The following PCDHA7 variants were observed in gnomAD, a reference collection of about 807,000 sequenced individuals.
The protein encoded by PCDHA7 is protocadherin alpha-7.
PCDHA7 carries 37 observed loss-of-function variants against 57.2 expected under a neutral mutation model. That is an observed-to-expected ratio of 0.65 (90% CI 0.50 to 0.85). The LOEUF is 0.85. Ranked by LOEUF, PCDHA7 falls within the 40% of genes least tolerant of loss-of-function variation. PCDHA7 has a pLI of 0.00. For synonymous variants in PCDHA7, 553 were observed against 558.8 expected, an observed-to-expected ratio of 0.99 and a Z score of 0.15; for missense variants, 1,188 against 1,241.8, an observed-to-expected ratio of 0.96 and a Z score of 0.65.
chr5:140,835,562 T>C lies in PCDHA7; in HGVS notation c.1179T>C (p.Val393=), dbSNP rs1470356959. ...GQVTCSLTPR[V]PFKLVSTFKN... ...TTACCTGCTCCCTGACGCCCCGCGTTCCCTTCAAGTTGGTGTCCACCTTCA... is the reference window on the plus strand; with the variant it reads ...TTACCTGCTCCCTGACGCCCCGCGTCCCCTTCAAGTTGGTGTCCACCTTCA... Residue 393 remains valine (V), a synonymous_variant, in exon 1 of 4, where the codon GTT becomes GTC. Coordinates refer to ENST00000525929, the MANE Select transcript of PCDHA7 (RefSeq NM_018910.3). 6.8e-6 allele frequency: 11 copies of C among 1,613,922 alleles called. No homozygotes were observed. Among genetic ancestry groups the C allele is most frequent in the Non-Finnish European group, 8.5e-6 (10 of 1,179,868 alleles).
At position 140,929,210 on chromosome 5, in the gene PCDHA7, G is replaced by A. The variant is rs782078369; in HGVS notation, c.2356-49739G>A. The A allele has an allele frequency of 1.9e-6, 3 of 1,613,952 alleles. No individual in the cohort carries two copies. The South Asian group carries it at 3.3e-5, about 18-fold the overall frequency. The stretch of plus-strand genomic sequence containing the variant: ...GATAATAACAGTTTGCTGTTGCGTG[G>A]GGAGTACAATGCTGCCGACCTGCGA... On this transcript the variant is annotated intron_variant, in intron 1 of 3. Transcript: ENST00000525929.
intron 3 of PCDHA7, among the ~76,000 whole-genome samples, chr5:140,985,081 G>C (rs1028077723): frequency 1.3e-5 from 2 of 152,088 alleles, no homozygotes; most frequent in African/African-American, 4.8e-5. Flanking sequence ...GAGACTACAG[G>C]CGTGTGCCAC....
chr5:140,941,191 T>TTTCTTTCTTTCTTTC lies in PCDHA7; in HGVS notation c.2356-37756_2356-37755insCTTTCTTTCTTTCTT, dbSNP rs1487503403. Among the ~76,000 whole-genome samples, 17 of 93,258 alleles carry TTTCTTTCTTTCTTTC rather than the reference T, an allele frequency of 1.8e-4. No individual in the cohort carries two copies. The South Asian group carries it at 2.0e-3, about 11-fold the overall frequency. The allele number at this position is 93,258 out of a possible 152,430, so 61.2% of individuals were successfully genotyped here. A position where few individuals can be genotyped will look rare whatever the true frequency, so the allele number is the denominator to read the frequency against. ...CATCTTGAACATCCTGCTTCTTTTT[T>TTTCTTTCTTTCTTTC]TTTCTTTCTTCCTTTCTTTCTTCCT... On this transcript the variant is annotated intron_variant, in intron 1 of 3. Coordinates refer to ENST00000525929, the MANE Select transcript of PCDHA7 (RefSeq NM_018910.3).
At chr5:140,966,655 G>C in intron 1 of PCDHA7, 1 of 1,195,250 alleles carries the variant, frequency 8.4e-7, no homozygotes, top group South Asian at 2.0e-5. Context: ...CGTGAGCGGT[G>C]GGGGAGCAGG....
chr5:140,883,844 G>A (rs1404353270), intron 1 of PCDHA7: 4 of 1,612,836 alleles, frequency 2.5e-6, no homozygotes, highest in East Asian at 2.2e-5. Context: ...GTTGGACCAC[G>A]AGGAGCTGGA....
At chr5:140,884,003 G>T (rs781845787) in intron 1 of PCDHA7, 2 of 1,612,968 alleles carry the variant, frequency 1.2e-6, no homozygotes, top group Non-Finnish European at 8.5e-7. Flanking sequence ...CACAGTGAGC[G>T]AGCTGATGCC....
At chr5:140,929,191 A>G in intron 1 of PCDHA7, 1 of 1,614,118 alleles carries the variant, frequency 6.2e-7, no homozygotes, top group Non-Finnish European at 8.5e-7. Flanking sequence ...TTCTGATAAT[A>G]ACAGTTTGCT....
In PCDHA7 at chr5:140,870,085, C is replaced by G. The variant is rs200687541; in HGVS notation, c.2355+33347C>G. The stretch of plus-strand genomic sequence containing the variant: ...ACAGGCTACAGATAAGGGGACTCCC[C>G]CAATGGCAGGTCACTGTACAGTCTG... On this transcript the variant is annotated intron_variant, in intron 1 of 3. Coordinates refer to ENST00000525929, the MANE Select transcript of PCDHA7 (RefSeq NM_018910.3). 11 of 1,613,744 alleles carry G rather than the reference C, an allele frequency of 6.8e-6. No individual in the cohort carries two copies. The African/African-American group carries it at 1.3e-4, about 20-fold the overall frequency.
intron 1 of PCDHA7, chr5:140,875,423 G>T: frequency 6.6e-7 from 1 of 1,524,996 alleles, no homozygotes; most frequent in Non-Finnish European, 8.8e-7. Context: ...CCTCAGGCAA[G>T]CGATCCCTTA....
chr5:140,993,509 C>CAT (rs1488940144), intron 3 of PCDHA7, among the ~76,000 whole-genome samples: 3 of 143,600 alleles, frequency 2.1e-5, no homozygotes, highest in African/African-American at 7.8e-5. Flanking sequence ...CACACACACA[C>CAT]GGGGAGAGAG....
At chr5:140,977,043 T>G (rs2096743110) in intron 1 of PCDHA7, among the ~76,000 whole-genome samples, 1 of 152,226 alleles carries the variant, frequency 6.6e-6, no homozygotes. Flanking sequence ...AGGATGTTGT[T>G]GCTGATGGAC....
At chr5:140,865,298 C>T (rs1213333279) in intron 1 of PCDHA7, 2 of 152,028 alleles carry the variant, frequency 1.3e-5, no homozygotes, top group Non-Finnish European at 2.9e-5. Flanking sequence ...CTTTTTGGCT[C>T]TAATTACAAA....
chr5:140,914,639 G>C (rs1348153716), intron 1 of PCDHA7, among the ~76,000 whole-genome samples: 5 of 151,890 alleles, frequency 3.3e-5, no homozygotes, highest in Admixed American at 3.3e-4. Context: ...TGGTTTCATG[G>C]TCATCTCTCC....
intron 1 of PCDHA7, chr5:140,867,464 C>A (rs1358869562): frequency 6.6e-6 from 1 of 151,874 alleles, no homozygotes; most frequent in Non-Finnish European, 1.5e-5. Context: ...AGTGTTATGA[C>A]AACATTGGGA....
At chr5:140,861,759 C>T (rs2047064113) in intron 1 of PCDHA7, 1 of 93,332 alleles carries the variant, frequency 1.1e-5, no homozygotes, top group Non-Finnish European at 2.2e-5. Context: ...GATTATTTTT[C>T]CCTGGAAATA....
chr5:140,978,758 C>A (rs925464508), intron 1 of PCDHA7, among the ~76,000 whole-genome samples, 191 bp from the exon 2 acceptor site: 6 of 152,148 alleles, frequency 3.9e-5, no homozygotes, highest in African/African-American at 1.4e-4. Context: ...TGTGTGAGGA[C>A]CCTGATGAAC....
chr5:140,857,754 C>G, intron 1 of PCDHA7: 1 of 1,597,392 alleles, frequency 6.3e-7, no homozygotes, highest in Non-Finnish European at 8.6e-7. Flanking sequence ...GCGTCTCCCG[C>G]TGGCAGCGCG....
chr5:140,846,687 T>C (rs1554141460), intron 1 of PCDHA7, among the ~76,000 whole-genome samples: 1 of 149,376 alleles, frequency 6.7e-6, no homozygotes, highest in East Asian at 1.9e-4. Context: ...AATGCTTTCT[T>C]AGCAAGTAGA....
intron 1 of PCDHA7, among the ~76,000 whole-genome samples, chr5:140,921,179 GT>G (rs1563044506): frequency 6.6e-6 from 1 of 151,662 alleles, no homozygotes; most frequent in South Asian, 2.1e-4. Context: ...ATAAAGCACA[GT>G]TTTTTCACAA....
Sources: gnomAD v4.1 joint callset for allele counts (sites outside exome capture counted in the v4.1 genomes callset) on GRCh38, gnomAD v4.1.1 for gene constraint, MANE v1.5 for transcripts, NCBI Gene and HGNC (gene_info 2026-07-23, HGNC 2026-07-21) for gene names.